NAV1: variants seen among roughly 807,000 people sequenced by gnomAD.
The protein encoded by NAV1 is pore membrane and/or filament interacting like protein 3.
NAV1 carries 18 observed loss-of-function variants against 175.2 expected under a neutral mutation model. That is an observed-to-expected ratio of 0.10 (90% CI 0.07 to 0.15). The LOEUF (loss-of-function observed/expected upper bound fraction) is 0.15. Among genes scored for constraint, NAV1 ranks in the 10% least tolerant of loss-of-function variants. NAV1 has a pLI of 1.00. For missense variants in NAV1, 1,731 were observed against 2,436.6 expected (o/e 0.71, Z 6.10); for synonymous variants, 897 against 978.7 (o/e 0.92, Z 1.56).
intron 3 of NAV1, among the ~76,000 whole-genome samples, chr1:201,747,461 C>G (rs535300604): frequency 8.7e-4 from 133 of 152,278 alleles, no homozygotes; most frequent in African/African-American, 2.9e-3. Flanking sequence ...GGCTCAAAGG[C>G]CCTGAAGGAG....
chr1:201,615,980 G>A (rs903360035), intron 2 of NAV1, among the ~76,000 whole-genome samples: 1 of 151,832 alleles, frequency 6.6e-6, no homozygotes, highest in Non-Finnish European at 1.5e-5. Context: ...CTGGGTACGT[G>A]GGATGGAGGG....
At chr1:201,584,564 G>C (rs1173235105) in intron 1 of NAV1, among the ~76,000 whole-genome samples, 1 of 152,220 alleles carries the variant, frequency 6.6e-6, no homozygotes, top group Non-Finnish European at 1.5e-5. Flanking sequence ...CCAAATCCTG[G>C]AGATGGAATA....
At chr1:201,545,326 C>T (rs1665634667) in intron 1 of NAV1, among the ~76,000 whole-genome samples, 1 of 151,976 alleles carries the variant, frequency 6.6e-6, no homozygotes, top group African/African-American at 2.4e-5. Context: ...AATGTGTGTG[C>T]TTAATAAATG....
At chr1:201,568,754 T>C (rs186329072) in intron 1 of NAV1, among the ~76,000 whole-genome samples, 140 of 152,334 alleles carry the variant, frequency 9.2e-4, no homozygotes, top group Non-Finnish European at 1.6e-3. Context: ...TCCCACAGTA[T>C]GTGCTCGGGA....
rs1039241258 is a variant in NAV1, at chr1:201,718,343, C to T, written c.861-47C>T. 3 of 1,484,374 alleles carry T rather than the reference C, an allele frequency of 2.0e-6. No homozygotes were observed. The highest frequency in any genetic ancestry group is 1.8e-4 in the Middle Eastern group (1 of 5,486). 92.0% of individuals were successfully genotyped at this position (1,484,374 alleles called of 1,614,324 possible). ...GGTGCATGTGAGGGGACAGGGCACA[C>T]GGCGGCTGTGCCAAGGACTAAGTAG... On this transcript the variant is annotated intron_variant, in intron 2 of 29. Coordinates refer to ENST00000367296, the Ensembl canonical transcript of NAV1. The surrounding 1 kb of genome is among the most constrained non-coding windows in gnomAD (Gnocchi z 4.8).
chr1:201,644,305 G>C (rs559673062), upstream of NAV1, among the ~76,000 whole-genome samples: 1 of 152,304 alleles, frequency 6.6e-6, no homozygotes, highest in South Asian at 2.1e-4. Context: ...TGACAGGGCA[G>C]GTCCTTCTCT....
intron 2 of NAV1, among the ~76,000 whole-genome samples, chr1:201,611,810 C>T (rs954128329): frequency 1.3e-5 from 2 of 152,150 alleles, no homozygotes; most frequent in African/African-American, 4.8e-5. Flanking sequence ...AGAGCACCTC[C>T]TCACCCTGGG....
chr1:201,665,590 A>ACCCCCCCCC (rs3053790), intron 1 of NAV1, among the ~76,000 whole-genome samples: 2 of 128,534 alleles, frequency 1.6e-5, no homozygotes, highest in Admixed American at 8.0e-5. Flanking sequence ...AGAGCACCCC[A>ACCCCCCCCC]CCCCCCCCAC....
chr1:201,591,176 C>T (rs1347483385), intron 2 of NAV1, among the ~76,000 whole-genome samples: 1 of 152,126 alleles, frequency 6.6e-6, no homozygotes, highest in Non-Finnish European at 1.5e-5. Context: ...CTTTCCTTTG[C>T]CTCTCCTGTA....
At chr1:201,585,085 G>A (rs755566350) in intron 1 of NAV1, among the ~76,000 whole-genome samples, 5 of 152,068 alleles carry the variant, frequency 3.3e-5, no homozygotes, top group South Asian at 2.1e-4. Context: ...GGTAGTTTTC[G>A]CAGGGGCCTG....
At chr1:201,589,052 C>G (rs1277753282) in intron 2 of NAV1, among the ~76,000 whole-genome samples, 1 of 151,764 alleles carries the variant, frequency 6.6e-6, no homozygotes, top group African/African-American at 2.4e-5. Context: ...TTCATCATAT[C>G]GGTCAGGCTG....
At position 201,706,889 on chromosome 1, in the gene NAV1, G is replaced by A. The variant is rs115703343; in HGVS notation, c.758-5928G>A. Among the ~76,000 whole-genome samples, 284 of 152,308 alleles carry A rather than the reference G, an allele frequency of 1.9e-3. 3 individuals are homozygous for A. The South Asian group carries it at 0.019, about 10-fold the overall frequency. On this transcript the variant is annotated intron_variant, in intron 1 of 29. Transcript: ENST00000367296. ...TGACTGCCGGGTGATGGATTCCCATGAGTCTCCTTCTTCCTGAACGTCTCT... is the reference window on the plus strand; with the variant it reads ...TGACTGCCGGGTGATGGATTCCCATAAGTCTCCTTCTTCCTGAACGTCTCT...
At chr1:201,676,583 G>T (rs1188593109) in intron 1 of NAV1, among the ~76,000 whole-genome samples, 2 of 152,136 alleles carry the variant, frequency 1.3e-5, no homozygotes, top group African/African-American at 4.8e-5. Context: ...TTTCACCCCA[G>T]TGGTCCAGGC....
chr1:201,805,989 C>CTCT (rs1553279386), intron 17 of NAV1, among the ~76,000 whole-genome samples: 8 of 143,912 alleles, frequency 5.6e-5, no homozygotes, highest in Non-Finnish European at 1.1e-4. Context: ...CTCTCTCTCT[C>CTCT]TTTTTTTTTT....
chr1:201,702,914 C>T (rs944595844), intron 1 of NAV1, among the ~76,000 whole-genome samples: 32 of 152,250 alleles, frequency 2.1e-4, no homozygotes, highest in Admixed American at 6.5e-4. Flanking sequence ...AAAGAGTTGT[C>T]CTGAAGATTA....
intron 1 of NAV1, among the ~76,000 whole-genome samples, chr1:201,554,196 T>A (rs1446944037): frequency 6.6e-6 from 1 of 152,194 alleles, no homozygotes; most frequent in East Asian, 1.9e-4. Context: ...TGAATTGAGC[T>A]GACACGTGTT....
chr1:201,634,283 G>A (rs1351412578), intron 2 of NAV1, among the ~76,000 whole-genome samples: 1 of 152,240 alleles, frequency 6.6e-6, no homozygotes, highest in Non-Finnish European at 1.5e-5. Flanking sequence ...TGTGTTTGGT[G>A]TTATTTGTTA....
chr1:201,622,073 C>A (rs1427860068), upstream of NAV1, among the ~76,000 whole-genome samples: 1 of 152,024 alleles, frequency 6.6e-6, no homozygotes, highest in East Asian at 1.9e-4. Context: ...AAGGAACTGC[C>A]TTGAACCAAA....
At position 201,695,205 on chromosome 1, in the gene NAV1, G is replaced by A. The variant is rs113126345; in HGVS notation, c.758-17612G>A. 5.7e-3 allele frequency among the ~76,000 whole-genome samples: 874 copies of A among 152,358 alleles called. 6 individuals carry two copies. Among genetic ancestry groups the A allele is most frequent in the African/African-American group, 0.02 (834 of 41,576 alleles). ...AAAAGGTGAACAGCAAATGCCATCA[G>A]GCTTTTCCCTGTGTACCCAGAGCCA... On this transcript the variant is annotated intron_variant, in intron 1 of 29. Transcript: ENST00000367296.
Sources: gnomAD v4.1 joint callset for allele counts (sites outside exome capture counted in the v4.1 genomes callset) on GRCh38, gnomAD v4.1.1 for gene constraint, Gnocchi (gnomAD v3.1) non-coding constraint, MANE v1.5 for transcripts, NCBI Gene and HGNC (gene_info 2026-07-23, HGNC 2026-07-21) for gene names.